Variants in AKAP13 observed in about 807,000 individuals in gnomAD.
The protein encoded by AKAP13 is A-kinase anchor protein 13.
AKAP13 carries 80 observed loss-of-function variants against 264.5 expected under a neutral mutation model. The ratio of observed to expected loss-of-function variants is 0.30; its 90% CI spans 0.25 to 0.36. The LOEUF (loss-of-function observed/expected upper bound fraction) is 0.36, where lower values mean the gene tolerates loss of function less well. Ranked by LOEUF, AKAP13 falls within the 10% of genes least tolerant of loss-of-function variation. The probability of loss-of-function intolerance (pLI) is 1.00; values close to 1 mark genes in which losing one functional copy is unlikely to be tolerated. For missense variants in AKAP13, 3,712 were observed against 3,435.2 expected (o/e 1.08, Z -2.01); for synonymous variants, 1,380 against 1,250.2 (o/e 1.10, Z -2.19).
intron 33 of AKAP13, among the ~76,000 whole-genome samples, chr15:85,736,411 C>G (rs1455097335): frequency 3.7e-5 from 5 of 136,162 alleles, no homozygotes; most frequent in African/African-American, 1.0e-4. Context: ...AAGGAAGCCT[C>G]TTGCTGTTTT....
At chr15:85,590,262 G>A (rs1472611667) in intron 8 of AKAP13, among the ~76,000 whole-genome samples, 1 of 152,164 alleles carries the variant, frequency 6.6e-6, no homozygotes, top group African/African-American at 2.4e-5. Flanking sequence ...TCTAATAAAT[G>A]TAAATAATCC....
chr15:85,622,644 G>A (rs184155252), intron 8 of AKAP13, among the ~76,000 whole-genome samples: 6 of 152,322 alleles, frequency 3.9e-5, no homozygotes, highest in Admixed American at 1.3e-4. Context: ...GAAGTGAATG[G>A]ATATGAGACA....
At chr15:85,417,088 T>C (rs2072274556) in intron 1 of AKAP13, among the ~76,000 whole-genome samples, 1 of 152,354 alleles carries the variant, frequency 6.6e-6, no homozygotes, top group Middle Eastern at 3.4e-3. Context: ...TTTTGCATTG[T>C]TTCCCTTAAA....
chr15:85,522,943 C>T (rs1596415040), intron 3 of AKAP13, among the ~76,000 whole-genome samples: 1 of 140,564 alleles, frequency 7.1e-6, no homozygotes, highest in African/African-American at 2.6e-5. Context: ...CTCCCCCCGT[C>T]GCCCCCATCC....
At chr15:85,672,013 A>G (rs941681811) in intron 14 of AKAP13, among the ~76,000 whole-genome samples, 1 of 152,170 alleles carries the variant, frequency 6.6e-6, no homozygotes, top group Non-Finnish European at 1.5e-5. Context: ...CTATCCAAAC[A>G]CTATAAATAA....
Position 85,724,991 on chromosome 15 carries a change from T to C in AKAP13, c.6746-1419T>C, listed in dbSNP as rs1187036721. ...AGAGCCCTAGCTCTCTTTGAGACTT[T>C]TACGCTGTCTGGCAGTTCAGAAATA... On this transcript the variant is annotated intron_variant, in intron 26 of 36. Transcript: ENST00000394518. This position sits in a 1 kb window ranked among gnomAD's most constrained non-coding sequence, Gnocchi z 4.2. Among the ~76,000 whole-genome samples, 4 of 152,194 alleles carry C rather than the reference T, an allele frequency of 2.6e-5. No homozygotes were observed. The highest frequency in any genetic ancestry group is 5.9e-5 in the Non-Finnish European group (4 of 68,028).
intron 2 of AKAP13, among the ~76,000 whole-genome samples, chr15:85,516,038 A>C (rs2076586626): frequency 6.6e-6 from 1 of 152,226 alleles, no homozygotes; most frequent in Non-Finnish European, 1.5e-5. Flanking sequence ...TCAGAAAAGC[A>C]CATGGTGTAT....
At chr15:85,658,999 C>T (rs755453497) in intron 12 of AKAP13, among the ~76,000 whole-genome samples, 3 of 152,036 alleles carry the variant, frequency 2.0e-5, no homozygotes, top group Non-Finnish European at 4.4e-5. Context: ...TGCTTGTGCA[C>T]AGGCCCTAAA....
intron 3 of AKAP13, among the ~76,000 whole-genome samples, chr15:85,525,523 C>T (rs1455111133): frequency 1.3e-5 from 2 of 152,152 alleles, no homozygotes; most frequent in South Asian, 4.1e-4. Context: ...TAAAATATTA[C>T]ATTTAAAACA....
At chr15:85,741,729 C>CGA (rs2089000895) in intron 35 of AKAP13, among the ~76,000 whole-genome samples, 1 of 82,272 alleles carries the variant, frequency 1.2e-5, no homozygotes, top group African/African-American at 3.4e-5. Flanking sequence ...AACAAACAAA[C>CGA]AAAAAAAAAA....
intron 34 of AKAP13, among the ~76,000 whole-genome samples, chr15:85,740,768 C>T (rs1244148658): frequency 4.3e-5 from 4 of 92,564 alleles, no homozygotes; most frequent in Non-Finnish European, 9.2e-5. Context: ...CACACACACA[C>T]ACAACCACCC....
intron 1 of AKAP13, among the ~76,000 whole-genome samples, chr15:85,389,446 T>C (rs962875858): frequency 1.3e-5 from 2 of 152,186 alleles, no homozygotes; most frequent in African/African-American, 2.4e-5. Context: ...TTGTTCAGGC[T>C]CTAAAGGATG....
intron 7 of AKAP13, 64 bp downstream of exon 7, chr15:85,582,171 T>C: frequency 6.7e-7 from 1 of 1,486,954 alleles, no homozygotes; most frequent in Non-Finnish European, 8.9e-7. Flanking sequence ...GTCACTGTGG[T>C]GTCCTGGTAA....
rs60271542 is a variant in AKAP13, at chr15:85,546,321, A to AACACACACACACACACAC, written c.662+2388_662+2405dup. The stretch of plus-strand genomic sequence containing the variant: ...TAAATTTATATAATTGTTGTTACCA[A>AACACACACACACACACAC]ACACACACACACACACACACACACA... On this transcript the variant is annotated intron_variant, in intron 5 of 36. Coordinates refer to ENST00000394518, the MANE Select transcript of AKAP13 (RefSeq NM_007200.5). 5.3e-3 allele frequency among the ~76,000 whole-genome samples: 776 copies of AACACACACACACACACAC among 145,222 alleles called. 8 individuals carry two copies. The highest frequency in any genetic ancestry group is 0.014 in the Middle Eastern group (4 of 284).
chr15:85,715,641 C>G (rs912954677), intron 19 of AKAP13, 147 bp from the exon 20 acceptor site: 1 of 1,042,952 alleles, frequency 9.6e-7, no homozygotes, highest in South Asian at 2.0e-5. Flanking sequence ...AGTTAGTGTC[C>G]TCTCCTCCAT....
At chr15:85,660,929 A>G (rs1652159101) in intron 12 of AKAP13, among the ~76,000 whole-genome samples, 1 of 152,170 alleles carries the variant, frequency 6.6e-6, no homozygotes, top group South Asian at 2.1e-4. Context: ...TCTCCAGCCA[A>G]AAACCCCACT....
At chr15:85,646,407 G>T (rs1216985089) in intron 10 of AKAP13, among the ~76,000 whole-genome samples, 1 of 152,094 alleles carries the variant, frequency 6.6e-6, no homozygotes, top group Non-Finnish European at 1.5e-5. Context: ...AGCCTGGGTG[G>T]CAGAGCGAGA....
intron 1 of AKAP13, among the ~76,000 whole-genome samples, chr15:85,397,014 C>T (rs541998842): frequency 4.1e-5 from 6 of 146,000 alleles, no homozygotes; most frequent in African/African-American, 1.5e-4. Flanking sequence ...TTTGTTCCCC[C>T]CATTGAATTT....
chr15:85,581,887 G>T lies in AKAP13; in HGVS notation c.3819G>T (p.Gly1273=), dbSNP rs1164670803. 4 of 1,614,182 alleles carry T rather than the reference G, an allele frequency of 2.5e-6. No individual in the cohort carries two copies. ...CCGCTGGAGCACTGCTTACTGAGGGGGAGGCCTGTCACATGTCACTGTCCA... is the reference window on the plus strand; with the variant it reads ...CCGCTGGAGCACTGCTTACTGAGGGTGAGGCCTGTCACATGTCACTGTCCA... ...VKAAGALLTE[G]EACHMSLSSP... Residue 1273 remains glycine (G), a synonymous_variant, in exon 7 of 37, where the codon GGG becomes GGT. Coordinates refer to ENST00000394518, the MANE Select transcript of AKAP13 (RefSeq NM_007200.5).
Sources: gnomAD v4.1 joint callset for allele counts (sites outside exome capture counted in the v4.1 genomes callset) on GRCh38, gnomAD v4.1.1 for gene constraint, Gnocchi (gnomAD v3.1) non-coding constraint, MANE v1.5 for transcripts, NCBI Gene and HGNC (gene_info 2026-07-23, HGNC 2026-07-21) for gene names.